SCNN1A: variants seen among roughly 807,000 people sequenced by gnomAD.
SCNN1A encodes the protein epithelial sodium channel subunit alpha.
A neutral mutation model predicts 68.6 loss-of-function variants in SCNN1A; 65 were observed. That is an observed-to-expected ratio of 0.95 (90% CI 0.78 to 1.16). The LOEUF is 1.16. Among genes scored for constraint, SCNN1A ranks in the 50% most tolerant of loss-of-function variants. The probability of loss-of-function intolerance (pLI) is 0.00; values close to 1 mark genes in which losing one functional copy is unlikely to be tolerated. For synonymous variants in SCNN1A, 357 were observed against 353.3 expected (o/e 1.01, Z -0.12); for missense variants, 880 against 865.9 (o/e 1.02, Z -0.20).
chr12:6,348,634 G>A, intron 12 of SCNN1A, 93 bp downstream of exon 12: 2 of 1,104,970 alleles, frequency 1.8e-6, no homozygotes, highest in Non-Finnish European at 2.8e-6. Flanking sequence ...AGAGCCTTCT[G>A]GCCCACAGAG....
Position 6,349,160 on chromosome 12 carries a change from C to T in SCNN1A, c.1497+4G>A. 1.9e-6 allele frequency: 3 copies of T among 1,613,826 alleles called. No homozygotes were observed. The highest frequency in any genetic ancestry group is 2.5e-6 in the Non-Finnish European group (3 of 1,179,794). The stretch of plus-strand genomic sequence containing the variant: ...CCCCCACCCATCCCTTCCCCACACT[C>T]TACCTGGGATGTCACCGAGGGCCAT... On this transcript the variant is annotated splice_donor_region_variant and intron_variant, in intron 10 of 12. Transcript: ENST00000228916.
rs752387748 is a variant in SCNN1A, at chr12:6,374,776, C to T, written c.8G>A (p.Gly3Glu). ...AGAGTCCTGCTCCTCCAGCTTGTTCCCCTCCATGAGACCTGGTATGGGCTG... is the reference window on the plus strand; with the variant it reads ...AGAGTCCTGCTCCTCCAGCTTGTTCTCCTCCATGAGACCTGGTATGGGCTG... ME[G>E]NKLEEQDSSP... Residue 3 changes from glycine to glutamate, a missense_variant, in exon 2 of 13, where the codon GGG becomes GAG. Coordinates refer to ENST00000228916, the MANE Select transcript of SCNN1A (RefSeq NM_001038.6). The surrounding 1 kb of genome is among the most constrained non-coding windows in gnomAD (Gnocchi z 6.2). The T allele has an allele frequency of 7.4e-6, 12 of 1,613,892 alleles. No individual in the cohort carries two copies. Among genetic ancestry groups the T allele is most frequent in the South Asian group, 4.4e-5 (4 of 91,068 alleles).
Position 6,355,856 on chromosome 12 carries a change from C to A in SCNN1A, c.900G>T (p.Pro300=). Residue 300 remains proline (P), a synonymous_variant, in exon 5 of 13, where the codon CCG becomes CCT. Transcript: ENST00000228916. Reference sequence around the variant, plus strand: ...TGAAAGTATAGCAGTTTCCATACATCGGGTGGTGGAAGTGAGAGTAATTCC... The same window carrying A: ...TGAAAGTATAGCAGTTTCCATACATAGGGTGGTGGAAGTGAGAGTAATTCC... ...NQANYSHFHH[P]MYGNCYTFND... is the part of the protein sequence containing the mutation. The A allele has an allele frequency of 1.9e-6, 3 of 1,612,262 alleles. No homozygotes were observed. The highest frequency in any genetic ancestry group is 2.5e-6 in the Non-Finnish European group (3 of 1,178,334).
chr12:6,366,198 A>G (rs912431717), intron 2 of SCNN1A, among the ~76,000 whole-genome samples: 1 of 152,164 alleles, frequency 6.6e-6, no homozygotes, highest in African/African-American at 2.4e-5. Context: ...GTACACAGCT[A>G]GTGAGAATAT....
chr12:6,362,100 C>A lies in SCNN1A; in HGVS notation c.826G>T (p.Gly276Cys), dbSNP rs759933475. The A allele has an allele frequency of 1.9e-5, 30 of 1,614,134 alleles. No homozygotes were observed. Among genetic ancestry groups the A allele is most frequent in the Non-Finnish European group, 2.2e-5 (26 of 1,180,050 alleles). The change falls in exon 4 of 13, where the codon GGC (glycine) becomes TGC (cysteine). Residue 276 changes from glycine (G) to cysteine (C), a missense_variant. Physicochemically the swap from Gly to Cys is radical, Grantham distance 159 (BLOSUM62 -3). This residue lies in a region of SCNN1A where 758 missense variants were observed against 721.8 expected (regional missense o/e 1.05). Coordinates refer to ENST00000228916, the MANE Select transcript of SCNN1A (RefSeq NM_001038.6). ...AAGCGGCAGGCGAAGATGAAGTTGC[C>A]CAGCGTGTCCTCCTCCAGGGATGGC... ...TLPSLEEDTL[G>C]NFIFACRFNQ...
At chr12:6,364,761 CA>C (rs34075843) in intron 2 of SCNN1A, among the ~76,000 whole-genome samples, 68,408 of 127,540 alleles carry the variant, frequency 0.54, 16,356 homozygotes, top group African/African-American at 0.66. Context: ...GACTCCGTCT[CA>C]AAAAAAAAAA....
At position 6,363,492 on chromosome 12, in the gene SCNN1A, T is replaced by A; in HGVS notation, c.635A>T (p.Asp212Val). 6.2e-7 allele frequency: 1 copy of A among 1,606,866 alleles called. No homozygotes were observed. Among genetic ancestry groups the A allele is most frequent in the Non-Finnish European group, 8.5e-7 (1 of 1,176,954 alleles). Reference sequence around the variant, plus strand: ...CTTCCAGTCCACCTGGGGGTTGTTGTCCCGCAAGCTGGAGGCCACGCTACG... The same window carrying A: ...CTTCCAGTCCACCTGGGGGTTGTTGACCCGCAAGCTGGAGGCCACGCTACG... The part of the protein sequence containing the change: ...RARSVASSLR[D>V]NNPQVDWKDW... Residue 212 changes from aspartate to valine, a missense_variant, in exon 3 of 13, where the codon GAC becomes GTC. Coordinates refer to ENST00000228916, the MANE Select transcript of SCNN1A (RefSeq NM_001038.6).
At chr12:6,361,947 T>G (rs1948585948) in intron 4 of SCNN1A, 104 bp downstream of exon 4, 8 of 1,326,416 alleles carry the variant, frequency 6.0e-6, no homozygotes, top group Middle Eastern at 2.5e-4. Context: ...ACTGGCATTT[T>G]TTTAGTCAAC....
Position 6,363,725 on chromosome 12 carries a change from G to T in SCNN1A, c.417-15C>A, listed in dbSNP as rs1366336758. The T allele has an allele frequency of 1.3e-6, 2 of 1,586,624 alleles. No individual in the cohort carries two copies. The highest frequency in any genetic ancestry group is 1.7e-6 in the Non-Finnish European group (2 of 1,166,284). On this transcript the variant is annotated splice_polypyrimidine_tract_variant and intron_variant, in intron 2 of 12. Coordinates refer to ENST00000228916, the MANE Select transcript of SCNN1A (RefSeq NM_001038.6). ...TTTCCGGGTACCTGAAGGGGCGAGG[G>T]GAAGAGGGTCAGGCCAGGGGCCCTG...
In SCNN1A at chr12:6,347,734, A is replaced by C. The variant is rs1452894515; in HGVS notation, c.*139T>G. 1.3e-6 allele frequency: 1 copy of C among 745,118 alleles called. No individual in the cohort carries two copies. The allele number at this position is 745,118 out of a possible 1,614,324, so 46.2% of individuals were successfully genotyped here. A position where few individuals can be genotyped will look rare whatever the true frequency, so the allele number is the denominator to read the frequency against. ...GGAGCAACTTCCTGAGCCCTTACCC[A>C]TCTTGCTTCCCCTCCACACATCAAC... is the stretch of plus-strand genomic sequence containing the variant. On this transcript the variant is annotated 3_prime_UTR_variant, in exon 13 of 13. Transcript: ENST00000228916.
chr12:6,357,763 C>G (rs528167686), intron 4 of SCNN1A, among the ~76,000 whole-genome samples: 1 of 151,964 alleles, frequency 6.6e-6, no homozygotes, highest in Non-Finnish European at 1.5e-5. Flanking sequence ...TTTGGGAGGC[C>G]GAGGCGGGTG....
At chr12:6,348,688 C>A (rs947021327) in intron 12 of SCNN1A, 39 bp downstream of exon 12, 6 of 1,549,932 alleles carry the variant, frequency 3.9e-6, no homozygotes, top group Non-Finnish European at 4.5e-6. Flanking sequence ...CTAAGTAAGA[C>A]CCCCAGAGCA....
rs775647330 is a variant in SCNN1A, at chr12:6,355,368, G to A, written c.1047C>T (p.Ala349=). The A allele has an allele frequency of 2.5e-6, 4 of 1,613,984 alleles. No homozygotes were observed. The South Asian group carries it at 4.4e-5, about 18-fold the overall frequency. ...FIPLLSTVTG[A]RVMVHGQDEP... is the part of the protein sequence containing the mutation. ...CATCCTGCCCGTGCACCATTACCCG[G>A]GCCCCAGTCACTGTGGACAGCAGGG... Residue 349 remains alanine (A), a synonymous_variant, in exon 6 of 13, where the codon GCC becomes GCT. Transcript: ENST00000228916.
chr12:6,363,597 C>T lies in SCNN1A; in HGVS notation c.530G>A (p.Arg177His), dbSNP rs1344583893. ...CGGCAGAGTCCCCCGCAGGTCGCGACGGCTGCGGGAGCCGGCCACGAGAGT... is the reference window on the plus strand; with the variant it reads ...CGGCAGAGTCCCCCGCAGGTCGCGATGGCTGCGGGAGCCGGCCACGAGAGT... ...FTTLVAGSRS[R>H]RDLRGTLPHP... Residue 177 changes from arginine to histidine, a missense_variant, in exon 3 of 13, where the codon CGT becomes CAT. Physicochemically the swap from Arg to His is conservative, Grantham distance 29. Coordinates refer to ENST00000228916, the MANE Select transcript of SCNN1A (RefSeq NM_001038.6). 2 of 1,612,114 alleles carry T rather than the reference C, an allele frequency of 1.2e-6. No homozygotes were observed. Among genetic ancestry groups the T allele is most frequent in the Non-Finnish European group, 1.7e-6 (2 of 1,179,256 alleles).
upstream of SCNN1A, chr12:6,375,647 G>A (rs72645140): frequency 7.1e-5 from 105 of 1,484,542 alleles, no homozygotes; most frequent in African/African-American, 8.3e-4. Flanking sequence ...GGAGTTTTCC[G>A]AAGGAAGGAG....
In SCNN1A at chr12:6,347,792, C is replaced by A; in HGVS notation, c.*81G>T. 1 of 1,247,968 alleles carries A rather than the reference C, an allele frequency of 8.0e-7. No individual in the cohort carries two copies. The highest frequency in any genetic ancestry group is 1.2e-6 in the Non-Finnish European group (1 of 868,744). The allele number at this position is 1,247,968 out of a possible 1,614,324, so 77.3% of individuals were successfully genotyped here. On this transcript the variant is annotated 3_prime_UTR_variant, in exon 13 of 13. Coordinates refer to ENST00000228916, the MANE Select transcript of SCNN1A (RefSeq NM_001038.6). ...TGGGCGGCTCTGAGAGGAAGCCCTGCACATCCTTCAATCTTGCCAGGGCCA... is the reference window on the plus strand; with the variant it reads ...TGGGCGGCTCTGAGAGGAAGCCCTGAACATCCTTCAATCTTGCCAGGGCCA...
In SCNN1A at chr12:6,374,932, C is replaced by T. The variant is rs563181534; in HGVS notation, c.-54-95G>A. ...GCCCTCTCCCATCACCCCTGGAACC[C>T]GAGTGAGGCTGCCCCTGGCCATGCC... On this transcript the variant is annotated intron_variant, in intron 1 of 12. Coordinates refer to ENST00000228916, the MANE Select transcript of SCNN1A (RefSeq NM_001038.6). The surrounding 1 kb of genome is among the most constrained non-coding windows in gnomAD (Gnocchi z 6.2). The T allele has an allele frequency of 1.4e-5, 23 of 1,595,540 alleles. No individual in the cohort carries two copies. The East Asian group carries it at 2.7e-4, about 19-fold the overall frequency.
intron 5 of SCNN1A, 21 bp downstream of exon 5, chr12:6,355,756 A>G: frequency 6.5e-7 from 1 of 1,532,092 alleles, no homozygotes; most frequent in Non-Finnish European, 9.0e-7. Flanking sequence ...GGCGCCATGG[A>G]GCAAGCAGGG....
intron 6 of SCNN1A, 142 bp downstream of exon 6, chr12:6,355,130 C>T: frequency 1.0e-6 from 1 of 965,538 alleles, no homozygotes; most frequent in East Asian, 2.6e-5. Flanking sequence ...GCCAGCCCCT[C>T]TGCCCCTCAT....
Sources: gnomAD v4.1 joint callset for allele counts (sites outside exome capture counted in the v4.1 genomes callset) on GRCh38, gnomAD v4.1.1 for gene constraint, gnomAD v4.1.1 regional missense constraint, Gnocchi (gnomAD v3.1) non-coding constraint, MANE v1.5 for transcripts, NCBI Gene and HGNC (gene_info 2026-07-23, HGNC 2026-07-21) for gene names.